The following EIF4G3 variants were observed in gnomAD, a reference collection of about 807,000 sequenced individuals.
EIF4G3 encodes eIF-4-gamma 3.
EIF4G3 carries 34 observed loss-of-function variants against 186.4 expected under a neutral mutation model. The observed-to-expected ratio is 0.18, with a 90% CI of 0.14 to 0.24. EIF4G3 has a LOEUF of 0.24. Among genes scored for constraint, EIF4G3 ranks in the 10% least tolerant of loss-of-function variants. The probability of loss-of-function intolerance (pLI) is 1.00; values close to 1 mark genes in which losing one functional copy is unlikely to be tolerated. For synonymous variants in EIF4G3, 673 were observed against 679.5 expected (o/e 0.99, Z 0.15); for missense variants, 1,536 against 1,948.5 (o/e 0.79, Z 3.99).
intron 20 of EIF4G3, among the ~76,000 whole-genome samples, chr1:20,868,670 G>T (rs911908786): frequency 2.6e-5 from 4 of 152,148 alleles, no homozygotes; most frequent in African/African-American, 9.7e-5. Context: ...TTAGACAACT[G>T]CAATTTTCAC....
intron 30 of EIF4G3, among the ~76,000 whole-genome samples, chr1:20,832,479 G>GT: frequency 7.4e-6 from 1 of 134,506 alleles, no homozygotes; most frequent in Non-Finnish European, 1.6e-5. Flanking sequence ...TTGTAAATTT[G>GT]TTTGAGTTCA....
chr1:21,141,007 A>T (rs2097327979), intron 2 of EIF4G3, among the ~76,000 whole-genome samples: 1 of 152,192 alleles, frequency 6.6e-6, no homozygotes, highest in Non-Finnish European at 1.5e-5. Flanking sequence ...TTAAATGAGA[A>T]AATTATATTA....
chr1:21,023,657 T>G (rs1241602656), intron 4 of EIF4G3, among the ~76,000 whole-genome samples: 1 of 151,968 alleles, frequency 6.6e-6, no homozygotes, highest in Non-Finnish European at 1.5e-5. Flanking sequence ...GTGCCGAGAT[T>G]GCAGCCTCTG....
intron 2 of EIF4G3, among the ~76,000 whole-genome samples, chr1:21,109,769 T>C (rs2096684508): frequency 6.6e-6 from 1 of 152,100 alleles, no homozygotes; most frequent in African/African-American, 2.4e-5. Flanking sequence ...GTATGGCCCA[T>C]TTCAACAGAG....
At chr1:21,068,909 T>C (rs2095356437) in intron 3 of EIF4G3, among the ~76,000 whole-genome samples, 1 of 152,178 alleles carries the variant, frequency 6.6e-6, no homozygotes. Flanking sequence ...AAATCCAAAA[T>C]CTGAACTGCT....
At chr1:20,927,109 T>C (rs886532458) in intron 14 of EIF4G3, among the ~76,000 whole-genome samples, 1 of 151,358 alleles carries the variant, frequency 6.6e-6, no homozygotes, top group Non-Finnish European at 1.5e-5. Context: ...ACTGGTGCAA[T>C]TGCGGCTGAC....
chr1:20,818,712 G>A (rs1309015796), intron 33 of EIF4G3, among the ~76,000 whole-genome samples: 2 of 152,040 alleles, frequency 1.3e-5, no homozygotes, highest in East Asian at 3.8e-4. Context: ...AAGTACATAG[G>A]TATGCCTTGC....
At chr1:20,885,648 GATAA>G (rs1433185599) in intron 19 of EIF4G3, among the ~76,000 whole-genome samples, 2 of 152,112 alleles carry the variant, frequency 1.3e-5, no homozygotes, top group Non-Finnish European at 2.9e-5. Context: ...TAAAGCAAAA[GATAA>G]ATAAAGGCTT....
intron 3 of EIF4G3, among the ~76,000 whole-genome samples, chr1:21,071,952 C>T (rs982927436): frequency 2.0e-5 from 3 of 152,124 alleles, no homozygotes; most frequent in African/African-American, 7.2e-5. Context: ...TACAACTACA[C>T]CTAGGCAACA....
Position 20,942,035 on chromosome 1 carries a change from T to A in EIF4G3, c.1119A>T (p.Thr373=), listed in dbSNP as rs145742300. ...REDTIPIPSL[T]SCTETSDPLP... is the part of the protein sequence containing the mutation. The stretch of plus-strand genomic sequence containing the variant: ...AAGGGTCTGATGTTTCTGTGCAAGA[T>A]GTGAGGCTGGGTATAGGAATTGTGT... The change falls in exon 14 of 37, where the codon ACA becomes ACT. Residue 373 remains threonine (T), a synonymous_variant. Transcript: ENST00000602326. The A allele has an allele frequency of 2.5e-6, 4 of 1,614,162 alleles. No individual in the cohort carries two copies. The South Asian group carries it at 4.4e-5, about 18-fold the overall frequency.
intron 2 of EIF4G3, among the ~76,000 whole-genome samples, chr1:21,126,318 T>C (rs556692787): frequency 5.5e-4 from 84 of 151,550 alleles, no homozygotes; most frequent in Non-Finnish European, 9.0e-4. Context: ...CCAGAGTCCA[T>C]ACTCTTAACC....
At chr1:21,020,376 G>C (rs1404692395) in intron 4 of EIF4G3, among the ~76,000 whole-genome samples, 1 of 152,128 alleles carries the variant, frequency 6.6e-6, no homozygotes, top group Non-Finnish European at 1.5e-5. Context: ...TGTGGTCTGA[G>C]CTACTTGCAA....
At chr1:21,102,503 C>T (rs2096546041) in intron 2 of EIF4G3, among the ~76,000 whole-genome samples, 1 of 152,118 alleles carries the variant, frequency 6.6e-6, no homozygotes, top group Non-Finnish European at 1.5e-5. Context: ...ACTTATGGTG[C>T]TATGTTAATA....
intron 12 of EIF4G3, among the ~76,000 whole-genome samples, chr1:20,959,428 A>G (rs2096519665): frequency 6.6e-6 from 1 of 152,122 alleles, no homozygotes; most frequent in Non-Finnish European, 1.5e-5. Flanking sequence ...GAAACTGTAA[A>G]AATTCTAGAA....
intron 20 of EIF4G3, among the ~76,000 whole-genome samples, chr1:20,868,090 C>CTTTCTTTT (rs1553236850): frequency 1.1e-5 from 1 of 90,414 alleles, no homozygotes; most frequent in Non-Finnish European, 2.0e-5. Context: ...TGGTGATTTT[C>CTTTCTTTT]TTTTTTTTTT....
intron 4 of EIF4G3, among the ~76,000 whole-genome samples, chr1:21,039,644 C>G (rs1182379330): frequency 6.6e-6 from 1 of 152,032 alleles, no homozygotes; most frequent in Non-Finnish European, 1.5e-5. Context: ...GACTGGTGTA[C>G]AGAATGAGAC....
At chr1:20,896,471 G>GAAAAA in intron 16 of EIF4G3, among the ~76,000 whole-genome samples, 1 of 148,464 alleles carries the variant, frequency 6.7e-6, no homozygotes, top group East Asian at 2.0e-4. Context: ...AAAAGAAAAA[G>GAAAAA]GAAAAAGAAA....
At chr1:21,046,478 T>C (rs1211028637) in intron 4 of EIF4G3, among the ~76,000 whole-genome samples, 1 of 152,212 alleles carries the variant, frequency 6.6e-6, no homozygotes, top group Non-Finnish European at 1.5e-5. Flanking sequence ...TATTCTTCAT[T>C]TTCCCTCTTT....
chr1:21,012,039 T>C (rs1202413863), intron 4 of EIF4G3, among the ~76,000 whole-genome samples: 1 of 152,090 alleles, frequency 6.6e-6, no homozygotes, highest in East Asian at 1.9e-4. Context: ...TATTTAAGAG[T>C]ATAAAGGGAT....
Sources: allele counts gnomAD v4.1 joint callset (sites outside exome capture counted in the v4.1 genomes callset), GRCh38; gene constraint gnomAD v4.1.1; transcripts MANE v1.5; gene names NCBI Gene and HGNC (gene_info 2026-07-23, HGNC 2026-07-21).